The following PLXNA2 variants were observed in gnomAD, a reference collection of about 807,000 sequenced individuals.
PLXNA2 encodes the protein plexin A2, also known as plexin-A2.
In PLXNA2, 91 loss-of-function variants were observed where a neutral mutation model predicts 193.5. The ratio of observed to expected loss-of-function variants is 0.47; its 90% confidence interval spans 0.40 to 0.56. The LOEUF is 0.56. Ranked by LOEUF, PLXNA2 falls within the 20% of genes least tolerant of loss-of-function variation. The probability of loss-of-function intolerance (pLI) is 0.00; values close to 1 mark genes in which losing one functional copy is unlikely to be tolerated. For missense variants in PLXNA2, 1,995 were observed against 2,503.2 expected, an observed-to-expected ratio of 0.80 and a Z score of 4.33; for synonymous variants, 997 against 1,027.3, an observed-to-expected ratio of 0.97 and a Z score of 0.56.
At chr1:208,135,165 G>C (rs1250349126) in intron 4 of PLXNA2, among the ~76,000 whole-genome samples, 1 of 152,104 alleles carries the variant, frequency 6.6e-6, no homozygotes, top group Non-Finnish European at 1.5e-5. Context: ...CTTAGGGGGT[G>C]GTGGGGGGTC....
chr1:208,172,253 G>C (rs1275110351), intron 3 of PLXNA2, among the ~76,000 whole-genome samples: 1 of 151,884 alleles, frequency 6.6e-6, no homozygotes, highest in Non-Finnish European at 1.5e-5. Flanking sequence ...ATTTGCAGAG[G>C]TAATGTTTTG....
In PLXNA2 at chr1:208,155,726, C is replaced by A. The variant is rs542431633; in HGVS notation, c.1372-13263G>T. The stretch of plus-strand genomic sequence containing the variant: ...CCGGCTGCACTGGACTTGTCCCACC[C>A]TCCCTGCCCAGCTCTGGCTCATGGG... On this transcript the variant is annotated intron_variant, in intron 3 of 31. Coordinates refer to ENST00000367033, the MANE Select transcript of PLXNA2 (RefSeq NM_025179.4). Among the ~76,000 whole-genome samples the A allele has an allele frequency of 9.9e-5, 15 of 152,234 alleles. No homozygotes were observed. In the East Asian group the frequency reaches 2.8e-3, roughly 28 times the overall value.
At position 208,052,467 on chromosome 1, in the gene PLXNA2, T is replaced by C; in HGVS notation, c.2857-4A>G. ...TGAGTGACAGCACAGAAGGGTTCTT[T>C]GGAAAGAAGCAGAGAAATGACTACA... is the stretch of plus-strand genomic sequence containing the variant. On this transcript the variant is annotated splice_region_variant and splice_polypyrimidine_tract_variant and intron_variant, in intron 14 of 31. Transcript: ENST00000367033. 1 of 1,613,976 alleles carries C rather than the reference T, an allele frequency of 6.2e-7. No homozygotes were observed. Among genetic ancestry groups the C allele is most frequent in the Non-Finnish European group, 8.5e-7 (1 of 1,179,960 alleles).
At position 208,054,110 on chromosome 1, in the gene PLXNA2, T is replaced by C. The variant is rs1047615451; in HGVS notation, c.2856+311A>G. Reference sequence around the variant, plus strand: ...TTACACTGGTGGGACAAGAGGCAGTTCCTCCCCGCCCCCAGTCTAGGATCC... The same window carrying C: ...TTACACTGGTGGGACAAGAGGCAGTCCCTCCCCGCCCCCAGTCTAGGATCC... On this transcript the variant is annotated intron_variant, in intron 14 of 31. Transcript: ENST00000367033. Among the ~76,000 whole-genome samples the C allele has an allele frequency of 5.3e-5, 8 of 152,314 alleles. No homozygotes were observed. In the Middle Eastern group the frequency reaches 0.01, roughly 194 times the overall value.
intron 12 of PLXNA2, among the ~76,000 whole-genome samples, chr1:208,066,396 C>T (rs116732723): frequency 3.4e-3 from 522 of 152,338 alleles, no homozygotes; most frequent in African/African-American, 0.012. Context: ...TGGCCCTGTC[C>T]TCTTATGGAC....
At chr1:208,212,029 C>T (rs1268765869) in intron 2 of PLXNA2, among the ~76,000 whole-genome samples, 2 of 152,210 alleles carry the variant, frequency 1.3e-5, no homozygotes, top group African/African-American at 4.8e-5. Context: ...GCAAAGGCTG[C>T]AGGCTCTGGG....
chr1:208,219,875 G>A (rs927097978), intron 1 of PLXNA2, among the ~76,000 whole-genome samples: 2 of 152,198 alleles, frequency 1.3e-5, no homozygotes, highest in Admixed American at 6.5e-5. Context: ...GGCGCACACC[G>A]GCAAAGCCTC....
rs757409199 is a variant in PLXNA2, at chr1:208,084,364, G to A, written c.2298+16C>T. ...GAAGCCCTGCTCCAGGCAGGGCCCA[G>A]CCTGCGTTTTCTTACCGAGCTGTTC... On this transcript the variant is annotated intron_variant, in intron 10 of 31. Coordinates refer to ENST00000367033, the MANE Select transcript of PLXNA2 (RefSeq NM_025179.4). 1.2e-5 allele frequency: 20 copies of A among 1,613,200 alleles called. No individual in the cohort carries two copies. Among genetic ancestry groups the A allele is most frequent in the Non-Finnish European group, 1.7e-5 (20 of 1,179,572 alleles).
intron 1 of PLXNA2, among the ~76,000 whole-genome samples, chr1:208,239,107 G>C (rs572287898): frequency 6.6e-6 from 1 of 151,980 alleles, no homozygotes; most frequent in Non-Finnish European, 1.5e-5. Context: ...GGGAAGTGAC[G>C]GCTGGGAGTT....
At chr1:208,086,948 A>ACTCTCTCTCT (rs59683728) in intron 9 of PLXNA2, among the ~76,000 whole-genome samples, 14,466 of 134,502 alleles carry the variant, frequency 0.11, 1,005 homozygotes, top group East Asian at 0.2. Context: ...TCTCTCTCGC[A>ACTCTCTCTCT]CTCTCTCTCT....
intron 12 of PLXNA2, among the ~76,000 whole-genome samples, chr1:208,071,706 T>C (rs920748872): frequency 1.3e-5 from 2 of 152,236 alleles, no homozygotes; most frequent in African/African-American, 4.8e-5. Flanking sequence ...GTAACTCCAT[T>C]ATTCATCCTG....
At chr1:208,186,086 A>T (rs1669989510) in intron 3 of PLXNA2, among the ~76,000 whole-genome samples, 1 of 152,200 alleles carries the variant, frequency 6.6e-6, no homozygotes, top group African/African-American at 2.4e-5. Flanking sequence ...ACAGATTCTG[A>T]GAGCGCTATC....
Position 208,082,360 on chromosome 1 carries a change from C to T in PLXNA2, c.2395+52G>A. 2 of 1,438,992 alleles carry T rather than the reference C, an allele frequency of 1.4e-6. No individual in the cohort carries two copies. Among genetic ancestry groups the T allele is most frequent in the East Asian group, 2.3e-5 (1 of 42,864 alleles). The allele number at this position is 1,438,992 out of a possible 1,614,324, so 89.1% of individuals were successfully genotyped here. A position where few individuals can be genotyped will look rare whatever the true frequency, so the allele number is the denominator to read the frequency against. On this transcript the variant is annotated intron_variant, in intron 11 of 31. Coordinates refer to ENST00000367033, the MANE Select transcript of PLXNA2 (RefSeq NM_025179.4). The surrounding 1 kb of genome is among the most constrained non-coding windows in gnomAD (Gnocchi z 4.2). ...TGGCTCTGATCCCTCTAGCCCCAGT[C>T]TTTCCCGGGGTCGTGAAAAGATCAA...
At chr1:208,185,712 A>AAAAAAAAAAC (rs1669973643) in intron 3 of PLXNA2, among the ~76,000 whole-genome samples, 1 of 136,506 alleles carries the variant, frequency 7.3e-6, no homozygotes, top group Non-Finnish European at 1.6e-5. Context: ...AAAAAAAAAA[A>AAAAAAAAAAC]AAAAAAGGAA....
At chr1:208,208,570 C>A (rs1243725260) in intron 3 of PLXNA2, among the ~76,000 whole-genome samples, 2 of 152,236 alleles carry the variant, frequency 1.3e-5, no homozygotes, top group African/African-American at 2.4e-5. Context: ...GTCCAAAAAG[C>A]ATGACCCCTG....
chr1:208,170,526 G>A (rs1669462008), intron 3 of PLXNA2, among the ~76,000 whole-genome samples: 1 of 152,204 alleles, frequency 6.6e-6, no homozygotes, highest in Non-Finnish European at 1.5e-5. Context: ...GCCAGAGCCG[G>A]GGCATGAGGC....
chr1:208,175,242 G>C (rs965917131), intron 3 of PLXNA2, among the ~76,000 whole-genome samples: 2 of 152,292 alleles, frequency 1.3e-5, no homozygotes, highest in Middle Eastern at 3.4e-3. Context: ...AAGGGTGGAG[G>C]GGGAGAGGGC....
At chr1:208,241,895 G>A (rs1021210382) in intron 1 of PLXNA2, among the ~76,000 whole-genome samples, 3 of 142,526 alleles carry the variant, frequency 2.1e-5, no homozygotes, top group Admixed American at 6.9e-5. Context: ...AAACAACCTC[G>A]CTATGACAGA....
intron 4 of PLXNA2, among the ~76,000 whole-genome samples, chr1:208,104,363 A>G (rs935357091): frequency 6.6e-6 from 1 of 152,212 alleles, no homozygotes; most frequent in Non-Finnish European, 1.5e-5. Context: ...GGTGCTATGC[A>G]ACAGAGAAAC....
Sources: allele counts gnomAD v4.1 joint callset (sites outside exome capture counted in the v4.1 genomes callset), GRCh38; gene constraint gnomAD v4.1.1; non-coding constraint Gnocchi (gnomAD v3.1); transcripts MANE v1.5; gene names NCBI Gene and HGNC (gene_info 2026-07-23, HGNC 2026-07-21).